Variants in SCGB2B2 observed in about 807,000 individuals in gnomAD.
The protein encoded by SCGB2B2 is secretoglobin family 2B member 2.
A neutral mutation model predicts 7.6 loss-of-function variants in SCGB2B2; 11 were observed. The ratio of observed to expected loss-of-function variants is 1.45; its 90% CI spans 0.91 to 2.40. SCGB2B2 has a LOEUF of 2.40. Among genes scored for constraint, SCGB2B2 ranks in the 30% most tolerant of loss-of-function variants. The pLI is 0.00. For missense variants in SCGB2B2, 104 were observed against 115.4 expected, an observed-to-expected ratio of 0.90 and a Z score of 0.45; for synonymous variants, 50 against 48.6, an observed-to-expected ratio of 1.03 and a Z score of -0.12.
chr19:34,621,725 A>G (rs983456143), intron 1 of SCGB2B2, among the ~76,000 whole-genome samples: 5 of 152,226 alleles, frequency 3.3e-5, no homozygotes, highest in African/African-American at 1.2e-4. Flanking sequence ...GATTCTTATC[A>G]TTCCTTTCAC....
intron 1 of SCGB2B2, among the ~76,000 whole-genome samples, chr19:34,612,319 G>A (rs921226667): frequency 1.1e-4 from 17 of 152,280 alleles, no homozygotes; most frequent in Admixed American, 8.5e-4. Context: ...TTACAGGCAT[G>A]AGCCACTGTG....
At chr19:34,599,677 C>T (rs2065565284) in intron 1 of SCGB2B2, among the ~76,000 whole-genome samples, 1 of 152,106 alleles carries the variant, frequency 6.6e-6, no homozygotes, top group Non-Finnish European at 1.5e-5. Flanking sequence ...TGGGTGGGGA[C>T]ACGGAGCCAA....
chr19:34,663,144 G>A (rs2067512052), intron 1 of SCGB2B2, among the ~76,000 whole-genome samples: 1 of 152,226 alleles, frequency 6.6e-6, no homozygotes, highest in Non-Finnish European at 1.5e-5. Context: ...CCACCTTGTG[G>A]CGATCTAGAG....
chr19:34,633,877 C>A (rs193008625), intron 1 of SCGB2B2, among the ~76,000 whole-genome samples: 37 of 152,310 alleles, frequency 2.4e-4, no homozygotes, highest in Admixed American at 7.2e-4. Context: ...GACTCCATAA[C>A]TATTCTCATT....
At chr19:34,660,009 A>T (rs535294191) in intron 1 of SCGB2B2, among the ~76,000 whole-genome samples, 64 of 152,292 alleles carry the variant, frequency 4.2e-4, no homozygotes, top group African/African-American at 1.5e-3. Flanking sequence ...TCTTTGACAA[A>T]CCTGACAAAA....
intron 1 of SCGB2B2, among the ~76,000 whole-genome samples, chr19:34,626,770 A>G (rs913169254): frequency 1.3e-5 from 2 of 152,146 alleles, no homozygotes; most frequent in Non-Finnish European, 2.9e-5. Context: ...CCACAAAGAT[A>G]CTCCTCGAGA....
rs1260048521 is a variant in SCGB2B2, at chr19:34,591,099, G to C, written c.*2456C>G. Among the ~76,000 whole-genome samples the C allele has an allele frequency of 6.6e-6, 1 of 152,126 alleles. No individual in the cohort carries two copies. Among genetic ancestry groups the C allele is most frequent in the Non-Finnish European group, 1.5e-5 (1 of 68,030 alleles). ...TGAAATTTACATGTTTTTGTCTCCAGGCCCAACTATTCCATGAGCTCCAAA... is the reference window on the plus strand; with the variant it reads ...TGAAATTTACATGTTTTTGTCTCCACGCCCAACTATTCCATGAGCTCCAAA... On this transcript the variant is annotated 3_prime_UTR_variant, in exon 4 of 4. Transcript: ENST00000601241.
chr19:34,585,916 C>T (rs927495734), downstream of SCGB2B2, among the ~76,000 whole-genome samples: 1 of 152,140 alleles, frequency 6.6e-6, no homozygotes, highest in Non-Finnish European at 1.5e-5. Flanking sequence ...TAATTGGTGG[C>T]AATTATTTCA....
At chr19:34,586,545 A>G (rs933769681), downstream of SCGB2B2, among the ~76,000 whole-genome samples, 1 of 152,196 alleles carries the variant, frequency 6.6e-6, no homozygotes, top group Non-Finnish European at 1.5e-5. Flanking sequence ...ATTTCTTCAG[A>G]GAGTGTTGTC....
intron 1 of SCGB2B2, among the ~76,000 whole-genome samples, chr19:34,671,072 C>T (rs563519403): frequency 3.1e-4 from 47 of 152,254 alleles, no homozygotes; most frequent in South Asian, 6.2e-4. Context: ...ACAGGCACCA[C>T]CCCTGGCTAA....
chr19:34,610,826 T>C (rs1450810998), intron 1 of SCGB2B2, among the ~76,000 whole-genome samples: 1 of 151,640 alleles, frequency 6.6e-6, no homozygotes, highest in Non-Finnish European at 1.5e-5. Flanking sequence ...CAGGATATAC[T>C]GGTTTTGCAG....
chr19:34,610,009 T>C (rs1297655507), intron 1 of SCGB2B2, among the ~76,000 whole-genome samples: 1 of 152,164 alleles, frequency 6.6e-6, no homozygotes, highest in Admixed American at 6.5e-5. Context: ...CAATGTTTTA[T>C]AGCTTTTTTG....
chr19:34,595,605 A>G lies in SCGB2B2; in HGVS notation c.-1042T>C, dbSNP rs1295322033. 6.6e-6 allele frequency: 1 copy of G among 152,334 alleles called. No homozygotes were observed. The highest frequency in any genetic ancestry group is 1.5e-5 in the Non-Finnish European group (1 of 68,046). The allele number at this position is 152,334 out of a possible 1,614,324, so 9.4% of individuals were successfully genotyped here. A position where few individuals can be genotyped will look rare whatever the true frequency, so the allele number is the denominator to read the frequency against. On this transcript the variant is annotated 5_prime_UTR_variant, in exon 2 of 4. An upstream start codon of the reference 5' UTR is lost. Coordinates refer to ENST00000601241, the MANE Select transcript of SCGB2B2 (RefSeq NM_001025591.4). Reference sequence around the variant, plus strand: ...CGGGTCTTGCTCTGAGCATGGGAACATGATGGCAATTAGGAGGCTTTCCTC... The same window carrying G: ...CGGGTCTTGCTCTGAGCATGGGAACGTGATGGCAATTAGGAGGCTTTCCTC...
chr19:34,600,553 G>C (rs570612499), intron 1 of SCGB2B2, among the ~76,000 whole-genome samples: 1 of 152,174 alleles, frequency 6.6e-6, no homozygotes. Context: ...ATCTGGTATC[G>C]TCAGTGTTGT....
chr19:34,641,077 A>AC (rs1294821392), intron 1 of SCGB2B2, among the ~76,000 whole-genome samples: 1 of 127,370 alleles, frequency 7.9e-6, no homozygotes, highest in Non-Finnish European at 1.7e-5. Context: ...TCACCATCAC[A>AC]CCCCAAACAA....
At chr19:34,612,018 AATTCTTTTTTTTTTTTTTTT>A (rs2065942868) in intron 1 of SCGB2B2, among the ~76,000 whole-genome samples, 1 of 78,612 alleles carries the variant, frequency 1.3e-5, no homozygotes, top group East Asian at 3.5e-4. Context: ...TGTTTTAGAA[AATTCTTTTTTTTTTTTTTTT>A]TTTTTTTTTT....
At chr19:34,597,994 T>G (rs1469101310) in intron 1 of SCGB2B2, among the ~76,000 whole-genome samples, 1 of 148,904 alleles carries the variant, frequency 6.7e-6, no homozygotes, top group Admixed American at 6.6e-5. Context: ...AATGGAGGGG[T>G]CGGGGAGACT....
chr19:34,658,674 A>G (rs1363308090), intron 1 of SCGB2B2, among the ~76,000 whole-genome samples: 1 of 152,084 alleles, frequency 6.6e-6, no homozygotes, highest in Non-Finnish European at 1.5e-5. Flanking sequence ...CCAGAGGTAC[A>G]AAGAGGAGCT....
Position 34,609,392 on chromosome 19 carries a change from GCCAAGACCAAT to G in SCGB2B2, c.-2031-12809_-2031-12799del, listed in dbSNP as rs2065871358. ...TTGAGGTTTTCTCTATAAAATCTTT[GCCAAGACCAAT>G]GTCCTGAAAATTTTTCTTCATATTT... On this transcript the variant is annotated intron_variant, in intron 1 of 3. Coordinates refer to ENST00000601241, the MANE Select transcript of SCGB2B2 (RefSeq NM_001025591.4). Among the ~76,000 whole-genome samples, 11 of 151,588 alleles carry G rather than the reference GCCAAGACCAAT, an allele frequency of 7.3e-5. No individual in the cohort carries two copies. The South Asian group carries it at 2.1e-3, about 29-fold the overall frequency.
Sources: allele counts gnomAD v4.1 joint callset (sites outside exome capture counted in the v4.1 genomes callset), GRCh38; gene constraint gnomAD v4.1.1; transcripts MANE v1.5; gene names NCBI Gene and HGNC (gene_info 2026-07-23, HGNC 2026-07-21).